ATE1: variants seen among roughly 807,000 people sequenced by gnomAD.
ATE1 encodes the protein arginyl-tRNA--protein transferase 1.
A neutral mutation model predicts 70.5 loss-of-function variants in ATE1; 36 were observed. The ratio of observed to expected loss-of-function variants is 0.51; its 90% CI spans 0.39 to 0.67. ATE1 has a LOEUF of 0.67. ATE1 is among the 30% of genes least tolerant of loss of function. The pLI is 0.00. For missense variants in ATE1, 593 were observed against 629.5 expected, an observed-to-expected ratio of 0.94 and a Z score of 0.62; for synonymous variants, 232 against 219.3, an observed-to-expected ratio of 1.06 and a Z score of -0.51.
At position 121,741,007 on chromosome 10, in the gene ATE1, T is replaced by G. The variant is rs1944131303; in HGVS notation, c.*2673A>C. ...GGTAGCAAGGGGAATTGAAATTACA[T>G]CTTTGCTCCCAAAACAGGAAGGCAG... On this transcript the variant is annotated 3_prime_UTR_variant, in exon 12 of 12. Coordinates refer to ENST00000224652, the MANE Select transcript of ATE1 (RefSeq NM_001001976.3). 1 of 152,210 alleles carries G rather than the reference T, an allele frequency of 6.6e-6. No homozygotes were observed. The allele number at this position is 152,210 out of a possible 1,614,324, so 9.4% of individuals were successfully genotyped here.
chr10:121,849,662 G>A (rs922569885), intron 8 of ATE1, among the ~76,000 whole-genome samples: 1 of 152,180 alleles, frequency 6.6e-6, no homozygotes. Context: ...AAGATAACTG[G>A]TCGACTCAGC....
chr10:121,911,443 A>T (rs909140535), intron 4 of ATE1, among the ~76,000 whole-genome samples: 2 of 46,292 alleles, frequency 4.3e-5, no homozygotes, highest in Non-Finnish European at 1.2e-4. Context: ...ACAGTAAATT[A>T]AAAAAAAAAA....
chr10:121,817,440 G>A (rs951423388), intron 10 of ATE1, among the ~76,000 whole-genome samples: 1 of 152,078 alleles, frequency 6.6e-6, no homozygotes, highest in African/African-American at 2.4e-5. Flanking sequence ...TCGGGAGGCT[G>A]AGGCAGGAGA....
chr10:121,773,147 A>G (rs1048578512), intron 11 of ATE1, among the ~76,000 whole-genome samples: 1 of 152,130 alleles, frequency 6.6e-6, no homozygotes, highest in Non-Finnish European at 1.5e-5. Context: ...GTTAGTTTAC[A>G]TTTACTTATA....
chr10:121,899,764 C>T, intron 7 of ATE1, 102 bp downstream of exon 7: 1 of 1,475,460 alleles, frequency 6.8e-7, no homozygotes, highest in Non-Finnish European at 9.1e-7. Context: ...GCAAATTGAA[C>T]ACAAATAAAA....
chr10:121,898,768 G>T, intron 7 of ATE1: 1 of 1,542,202 alleles, frequency 6.5e-7, no homozygotes, highest in South Asian at 1.3e-5. Flanking sequence ...AGCTCCACCT[G>T]ACAAGAAAAT....
At chr10:121,927,614 G>A in intron 1 of ATE1, 2 of 953,240 alleles carry the variant, frequency 2.1e-6, no homozygotes, top group Non-Finnish European at 2.5e-6. Flanking sequence ...ACTCTGGGGA[G>A]ACCACCACGA....
intron 11 of ATE1, among the ~76,000 whole-genome samples, chr10:121,766,586 AACACACACAG>A (rs1564820230): frequency 2.6e-5 from 4 of 152,090 alleles, no homozygotes; most frequent in African/African-American, 9.7e-5. Context: ...CTGAAAAGCC[AACACACACAG>A]ACTAAAAAAT....
At chr10:121,841,981 A>G (rs1033188829) in intron 8 of ATE1, among the ~76,000 whole-genome samples, 3 of 152,232 alleles carry the variant, frequency 2.0e-5, no homozygotes, top group African/African-American at 7.2e-5. Flanking sequence ...GAAATGCATG[A>G]GAAAAATATG....
intron 7 of ATE1, among the ~76,000 whole-genome samples, chr10:121,878,491 G>A (rs1950128257): frequency 1.3e-5 from 2 of 151,788 alleles, no homozygotes. Flanking sequence ...TTCTTGGGAG[G>A]CTGAAGTACG....
chr10:121,896,746 C>T lies in ATE1; in HGVS notation c.942+3120G>A, dbSNP rs571402047. Among the ~76,000 whole-genome samples the T allele has an allele frequency of 8.5e-5, 12 of 140,774 alleles. 1 individual carries two copies. The highest frequency in any genetic ancestry group is 8.5e-3 in the Middle Eastern group (2 of 236). The allele number at this position is 140,774 out of a possible 152,430, so 92.4% of individuals were successfully genotyped here. A position where few individuals can be genotyped will look rare whatever the true frequency, so the allele number is the denominator to read the frequency against. ...ACTGCTTGAACCCGGGAGGCAAAGG[C>T]TGCAGTGAGCCCAGGCTCAGTGAGC... On this transcript the variant is annotated intron_variant, in intron 7 of 11. Coordinates refer to ENST00000224652, the MANE Select transcript of ATE1 (RefSeq NM_001001976.3).
intron 8 of ATE1, among the ~76,000 whole-genome samples, chr10:121,861,839 T>C (rs1176448974): frequency 6.6e-6 from 1 of 152,020 alleles, no homozygotes; most frequent in African/African-American, 2.4e-5. Flanking sequence ...CCGTAAGCCC[T>C]CATGACTAGG....
At position 121,927,999 on chromosome 10, in the gene ATE1, GGCC is replaced by G. The variant is rs755372362; in HGVS notation, c.-53_-51del. ...CCGCCCGGCCCCGCGTCGCTAGCGC[GGCC>G]GCCGCCGCCACCCCACAATGCAGCG... On this transcript the variant is annotated 5_prime_UTR_variant, in exon 1 of 12. Coordinates refer to ENST00000224652, the MANE Select transcript of ATE1 (RefSeq NM_001001976.3). The G allele has an allele frequency of 4.3e-6, 6 of 1,400,404 alleles. No homozygotes were observed. Among genetic ancestry groups the G allele is most frequent in the South Asian group, 1.6e-5 (1 of 63,514 alleles). The allele number at this position is 1,400,404 out of a possible 1,614,324, so 86.7% of individuals were successfully genotyped here.
intron 8 of ATE1, among the ~76,000 whole-genome samples, chr10:121,862,360 C>T (rs1414434040): frequency 6.6e-6 from 1 of 151,752 alleles, no homozygotes; most frequent in African/African-American, 2.4e-5. Context: ...CGTTGACAGA[C>T]TCAAGAGATG....
intron 2 of ATE1, among the ~76,000 whole-genome samples, chr10:121,923,287 T>A (rs1364660438): frequency 6.6e-6 from 1 of 152,248 alleles, no homozygotes; most frequent in East Asian, 1.9e-4. Flanking sequence ...ACGGGCAACA[T>A]AGCCAAGATC....
intron 11 of ATE1, among the ~76,000 whole-genome samples, chr10:121,768,244 T>C (rs1351194019): frequency 6.6e-6 from 1 of 152,152 alleles, no homozygotes; most frequent in Non-Finnish European, 1.5e-5. Context: ...TTTTGCAAGA[T>C]GGTAAAATTT....
At chr10:121,822,498 T>A (rs889248235) in intron 10 of ATE1, among the ~76,000 whole-genome samples, 4 of 152,200 alleles carry the variant, frequency 2.6e-5, no homozygotes, top group Admixed American at 6.5e-5. Context: ...AAGCTGTATA[T>A]GTAAGATTGG....
chr10:121,850,820 A>C (rs1590491839), intron 8 of ATE1, among the ~76,000 whole-genome samples: 1 of 152,180 alleles, frequency 6.6e-6, no homozygotes, highest in African/African-American at 2.4e-5. Context: ...GGCCGGGTGC[A>C]GTGGCTCACG....
intron 5 of ATE1, among the ~76,000 whole-genome samples, chr10:121,908,242 T>A (rs1306125633): frequency 2.0e-5 from 3 of 152,106 alleles, no homozygotes; most frequent in Non-Finnish European, 4.4e-5. Context: ...AGTGGCTCAC[T>A]CCTGTAATCC....
Sources: gnomAD v4.1 joint callset for allele counts (sites outside exome capture counted in the v4.1 genomes callset) on GRCh38, gnomAD v4.1.1 for gene constraint, MANE v1.5 for transcripts, NCBI Gene and HGNC (gene_info 2026-07-23, HGNC 2026-07-21) for gene names.